Variants in ZMYM6 observed in about 807,000 individuals in gnomAD.
ZMYM6 encodes the protein zinc finger MYM-type containing 6.
ZMYM6 carries 90 observed loss-of-function variants against 134.0 expected under a neutral mutation model. The ratio of observed to expected loss-of-function variants is 0.67; its 90% CI spans 0.57 to 0.80. The LOEUF (loss-of-function observed/expected upper bound fraction) is 0.80, where lower values mean the gene tolerates loss of function less well. Among genes scored for constraint, ZMYM6 ranks in the 30% least tolerant of loss-of-function variants. The pLI is 0.00. For missense variants in ZMYM6, 1,362 were observed against 1,533.9 expected (o/e 0.89, Z 1.87); for synonymous variants, 481 against 524.1 (o/e 0.92, Z 1.12).
intron 14 of ZMYM6, among the ~76,000 whole-genome samples, chr1:34,998,321 T>A (rs182044490): frequency 2.0e-5 from 3 of 152,302 alleles, no homozygotes; most frequent in Admixed American, 2.0e-4. Flanking sequence ...TTCTACTGGG[T>A]TGTCTGTCTA....
In ZMYM6 at chr1:34,988,320, A is replaced by C; in HGVS notation, c.2762T>G (p.Ile921Ser). ...ACGAATATAGCACAAAAGAAGTGTG[A>C]TATTTGAGATTTCTGATGACTCATC... is the stretch of plus-strand genomic sequence containing the variant. ...QIDESSEISN[I>S]TLLLCYIRFI... The change falls in exon 16 of 16, where the codon ATC (isoleucine) becomes AGC (serine). Residue 921 changes from isoleucine to serine, a missense_variant. Around this residue, in one of 3 missense-constraint regions of ZMYM6, gnomAD observed 824 missense variants for 940.9 expected, o/e 0.88. Transcript: ENST00000357182. The C allele has an allele frequency of 6.4e-7, 1 of 1,551,184 alleles. No individual in the cohort carries two copies. The highest frequency in any genetic ancestry group is 2.0e-5 in the Admixed American group (1 of 50,958).
intron 14 of ZMYM6, among the ~76,000 whole-genome samples, chr1:34,993,075 C>T (rs1640713594): frequency 6.7e-6 from 1 of 149,690 alleles, no homozygotes; most frequent in Non-Finnish European, 1.5e-5. Flanking sequence ...CACTAGAGAA[C>T]TTTCAAATAA....
chr1:35,000,587 A>G (rs1569755667), intron 14 of ZMYM6, among the ~76,000 whole-genome samples: 1 of 152,168 alleles, frequency 6.6e-6, no homozygotes, highest in Non-Finnish European at 1.5e-5. Flanking sequence ...ATGTTCATCA[A>G]TAGGACAATG....
intron 3 of ZMYM6, among the ~76,000 whole-genome samples, chr1:35,019,989 C>A (rs895161568): frequency 1.3e-5 from 2 of 152,060 alleles, no homozygotes; most frequent in African/African-American, 4.8e-5. Flanking sequence ...TTTTTCAGGA[C>A]AAATTCCCAA....
rs1640688725 is a variant in ZMYM6 at position 34,992,242 on chromosome 1, C to T, written c.2138G>A (p.Cys713Tyr). The T allele has an allele frequency of 6.2e-7, 1 of 1,614,000 alleles. No homozygotes were observed. Among genetic ancestry groups the T allele is most frequent in the Non-Finnish European group, 8.5e-7 (1 of 1,179,908 alleles). ...CGCACAAGGATACATACCTGTCTGA[C>T]ATTCTTTGTGCTGTGTATGTGGTTT... is the stretch of plus-strand genomic sequence containing the variant. ...SCKPHTQHKE[C>Y]QTDLPMPNEK... is the part of the protein sequence containing the mutation. The change falls in exon 15 of 16, where the codon TGT (cysteine) becomes TAT (tyrosine). Residue 713 changes from cysteine (C) to tyrosine (Y), a missense_variant. Cys to Tyr is a radical substitution (Grantham distance 194). Coordinates refer to ENST00000357182, the MANE Select transcript of ZMYM6 (RefSeq NM_007167.4).
intron 15 of ZMYM6, chr1:34,991,966 G>A (rs762338391): frequency 2.1e-5 from 9 of 421,410 alleles, no homozygotes; most frequent in Non-Finnish European, 2.6e-5. Flanking sequence ...AACTGAATTC[G>A]CAGTATTTAA....
chr1:35,013,189 A>G lies in ZMYM6; in HGVS notation c.796-608T>C, dbSNP rs1311667821. ...TCAGGCCCCAGGCTAAGAAATTTAT[A>G]TATAGTGTATCACAGAAACCTTTCA... On this transcript the variant is annotated intron_variant, in intron 6 of 15. Transcript: ENST00000357182. 1.3e-5 allele frequency: 9 copies of G among 711,188 alleles called. No homozygotes were observed. In the Admixed American group the frequency reaches 1.9e-4, roughly 15 times the overall value. 44.1% of individuals were successfully genotyped at this position (711,188 alleles called of 1,614,324 possible). A position where few individuals can be genotyped will look rare whatever the true frequency, so the allele number is the denominator to read the frequency against.
intron 11 of ZMYM6, among the ~76,000 whole-genome samples, chr1:35,008,202 T>C (rs1417166033): frequency 6.6e-6 from 1 of 152,216 alleles, no homozygotes; most frequent in Non-Finnish European, 1.5e-5. Flanking sequence ...CTCTCTCCTT[T>C]TCCTTATTTA....
At position 34,988,866 on chromosome 1, in the gene ZMYM6, C is replaced by A. The variant is rs543049413; in HGVS notation, c.2216G>T (p.Gly739Val). 31 of 1,609,074 alleles carry A rather than the reference C, an allele frequency of 1.9e-5. No individual in the cohort carries two copies. The highest frequency in any genetic ancestry group is 1.9e-4 in the South Asian group (17 of 90,184). ...DSPPSKKKRL[G>V]FFQTYDTEYL... is the part of the protein sequence containing the mutation. ...TTCTGTATCATAAGTCTGGAAAAAA[C>A]CTAATCTTTTTTTCTTTGAAGGTGG... Residue 739 changes from glycine to valine, a missense_variant, in exon 16 of 16, where the codon GGT becomes GTT. Gly to Val is a moderately radical substitution (Grantham distance 109, BLOSUM62 -3). Coordinates refer to ENST00000357182, the MANE Select transcript of ZMYM6 (RefSeq NM_007167.4).
intron 14 of ZMYM6, among the ~76,000 whole-genome samples, chr1:35,000,609 T>C (rs1341521452): frequency 6.6e-6 from 1 of 152,102 alleles, no homozygotes; most frequent in Non-Finnish European, 1.5e-5. Flanking sequence ...ATAAATAAAA[T>C]GTGGTACCTA....
At chr1:35,022,312 C>T (rs1300683291) in intron 2 of ZMYM6, among the ~76,000 whole-genome samples, 1 of 152,118 alleles carries the variant, frequency 6.6e-6, no homozygotes, top group Non-Finnish European at 1.5e-5. Flanking sequence ...GCTCTGTAGC[C>T]CAGGCTGGAG....
intron 14 of ZMYM6, among the ~76,000 whole-genome samples, chr1:34,995,303 G>T (rs1283705448): frequency 6.7e-6 from 1 of 148,924 alleles, no homozygotes; most frequent in Non-Finnish European, 1.5e-5. Flanking sequence ...CCTGAAATAT[G>T]TCTACAGGAT....
intron 3 of ZMYM6, 79 bp downstream of exon 3, chr1:35,020,304 G>T: frequency 7.8e-7 from 1 of 1,289,398 alleles, no homozygotes; most frequent in Middle Eastern, 2.2e-4. Context: ...AGACATACAT[G>T]AAAAGATGCT....
rs769230067 is a variant in ZMYM6, at chr1:35,005,210, G to T, written c.1876C>A (p.Pro626Thr). Residue 626 changes from proline (P) to threonine (T), a missense_variant, in exon 13 of 16, where the codon CCA becomes ACA. By Grantham distance (38) the Pro-to-Thr change is conservative. Transcript: ENST00000357182. ...ELPSARTDTTPVITSVMSLAK... is the reference protein window; with the variant it reads ...ELPSARTDTTTVITSVMSLAK... ...AATGACATCACACTGGTTATAACTG[G>T]TGTTGTATCTGTCCTTGCAGAAGGG... 6.2e-7 allele frequency: 1 copy of T among 1,614,112 alleles called. No individual in the cohort carries two copies. Among genetic ancestry groups the T allele is most frequent in the East Asian group, 2.2e-5 (1 of 44,878 alleles).
At chr1:35,030,088 T>C (rs1262431995) in intron 2 of ZMYM6, 1 of 154,322 alleles carries the variant, frequency 6.5e-6, no homozygotes, top group East Asian at 1.9e-4. Flanking sequence ...AATATATTAC[T>C]TTCCTTCCAC....
chr1:35,009,147 G>A (rs1251738987), intron 10 of ZMYM6, among the ~76,000 whole-genome samples: 1 of 152,122 alleles, frequency 6.6e-6, no homozygotes, highest in African/African-American at 2.4e-5. Flanking sequence ...TGCCCAGGCT[G>A]GAGTGCAGTG....
chr1:35,014,832 A>G lies in ZMYM6; in HGVS notation c.660T>C (p.Cys220=). The G allele has an allele frequency of 2.5e-6, 4 of 1,614,212 alleles. No individual in the cohort carries two copies. Among genetic ancestry groups the G allele is most frequent in the Non-Finnish European group, 3.4e-6 (4 of 1,180,034 alleles). ...TGTTTGTAGAGTGAAATTTTGAAAAACAGGCATCACTACAAAGACCATGTA... is the reference window on the plus strand; with the variant it reads ...TGTTTGTAGAGTGAAATTTTGAAAAGCAGGCATCACTACAAAGACCATGTA... The part of the protein sequence containing the change: ...NVVHGLCSDA[C]FSKFHSTNNL... Residue 220 remains cysteine (C), a synonymous_variant, in exon 6 of 16, where the codon TGT becomes TGC. Coordinates refer to ENST00000357182, the MANE Select transcript of ZMYM6 (RefSeq NM_007167.4).
Position 35,005,153 on chromosome 1 carries a change from T to C in ZMYM6, c.1933A>G (p.Asn645Asp). 6.2e-7 allele frequency: 1 copy of C among 1,614,192 alleles called. No homozygotes were observed. Among genetic ancestry groups the C allele is most frequent in the African/African-American group, 1.3e-5 (1 of 75,070 alleles). The stretch of plus-strand genomic sequence containing the variant: ...ATACCTTTTAAAACACTGTTAGTGT[T>C]CCCTGTAGATAAGGTAGCAGGTATT... Reference protein sequence around the residue: ...AKIPATLSTGNTNSVLKGAVT... With the variant: ...AKIPATLSTGDTNSVLKGAVT... Residue 645 changes from asparagine (N) to aspartate (D), a missense_variant, in exon 13 of 16, where the codon AAC (asparagine) becomes GAC (aspartate). Around this residue, in one of 3 missense-constraint regions of ZMYM6, gnomAD observed 824 missense variants for 940.9 expected, o/e 0.88. Transcript: ENST00000357182.
At chr1:35,006,893 T>C in intron 12 of ZMYM6, 58 bp downstream of exon 12, 1 of 1,442,864 alleles carries the variant, frequency 6.9e-7, no homozygotes, top group South Asian at 1.6e-5. Flanking sequence ...TATAACTGTA[T>C]ATGCTGATAG....
Sources: allele counts gnomAD v4.1 joint callset (sites outside exome capture counted in the v4.1 genomes callset), GRCh38; gene constraint gnomAD v4.1.1; regional missense constraint gnomAD v4.1.1; transcripts MANE v1.5; gene names NCBI Gene and HGNC (gene_info 2026-07-23, HGNC 2026-07-21).